The following SNX13 variants were observed in gnomAD, a reference collection of about 807,000 sequenced individuals.
The protein encoded by SNX13 is sorting nexin-13.
A neutral mutation model predicts 133.6 loss-of-function variants in SNX13; 45 were observed. The observed-to-expected ratio is 0.34, with a 90% CI of 0.27 to 0.43. SNX13 has a LOEUF of 0.43. SNX13 is among the 20% of genes least tolerant of loss of function. The probability of loss-of-function intolerance (pLI) is 1.00; values close to 1 mark genes in which losing one functional copy is unlikely to be tolerated. For missense variants in SNX13, 1,032 were observed against 1,145.1 expected, an observed-to-expected ratio of 0.90 and a Z score of 1.43; for synonymous variants, 414 against 373.9, an observed-to-expected ratio of 1.11 and a Z score of -1.24.
intron 3 of SNX13, among the ~76,000 whole-genome samples, 169 bp downstream of exon 3, chr7:17,893,163 T>A (rs997395939): frequency 6.6e-6 from 1 of 152,236 alleles, no homozygotes; most frequent in Non-Finnish European, 1.5e-5. Context: ...GTTTTTAAGA[T>A]GGCCTTTTAA....
At chr7:17,825,948 T>A in intron 17 of SNX13, 74 bp downstream of exon 17, 1 of 1,108,280 alleles carries the variant, frequency 9.0e-7, no homozygotes, top group South Asian at 1.8e-5. Flanking sequence ...TAGTAAAAAT[T>A]AAGTGTGGAA....
intron 5 of SNX13, among the ~76,000 whole-genome samples, chr7:17,886,175 ATCATTAGTATCACAGC>A (rs1164847180): frequency 2.0e-5 from 3 of 152,106 alleles, no homozygotes; most frequent in African/African-American, 7.2e-5. Flanking sequence ...GTGATACTAT[ATCATTAGTATCACAGC>A]CAGCGAATCC....
At chr7:17,908,773 T>C (rs1798645157) in intron 1 of SNX13, among the ~76,000 whole-genome samples, 1 of 152,220 alleles carries the variant, frequency 6.6e-6, no homozygotes, top group Non-Finnish European at 1.5e-5. Flanking sequence ...ACAACATACA[T>C]ATAATTACAA....
chr7:17,833,951 T>C, intron 15 of SNX13, 101 bp downstream of exon 15: 1 of 835,486 alleles, frequency 1.2e-6, no homozygotes. Context: ...AGTTTATATT[T>C]GGACTCCAAC....
intron 15 of SNX13, chr7:17,830,526 T>G (rs1327304703): frequency 1.0e-6 from 1 of 984,010 alleles, no homozygotes; most frequent in Non-Finnish European, 1.2e-6. Flanking sequence ...GTCCTCTTAT[T>G]CTTGGTGGTA....
At chr7:17,840,508 T>G (rs1789745410) in intron 12 of SNX13, among the ~76,000 whole-genome samples, 1 of 152,014 alleles carries the variant, frequency 6.6e-6, no homozygotes, top group South Asian at 2.1e-4. Flanking sequence ...CATGTACACA[T>G]GAACAAAAAC....
chr7:17,871,054 G>A (rs1794047142), intron 8 of SNX13, among the ~76,000 whole-genome samples: 1 of 151,266 alleles, frequency 6.6e-6, no homozygotes, highest in Non-Finnish European at 1.5e-5. Flanking sequence ...CGCCCAGGCT[G>A]GAGTGCAGTG....
intron 8 of SNX13, among the ~76,000 whole-genome samples, chr7:17,870,749 G>C (rs139131535): frequency 2.0e-5 from 3 of 152,208 alleles, no homozygotes; most frequent in Non-Finnish European, 2.9e-5. Context: ...GATAAATACA[G>C]ATATAATCTC....
At chr7:17,865,238 C>T (rs1366621060) in intron 9 of SNX13, among the ~76,000 whole-genome samples, 2 of 152,166 alleles carry the variant, frequency 1.3e-5, no homozygotes, top group Non-Finnish European at 2.9e-5. Flanking sequence ...CCACTCATAT[C>T]TTTAGTGAGA....
intron 17 of SNX13, among the ~76,000 whole-genome samples, chr7:17,822,627 T>C (rs974746871): frequency 2.6e-5 from 4 of 152,194 alleles, no homozygotes; most frequent in African/African-American, 7.2e-5. Flanking sequence ...GCTGGTTCTG[T>C]TGGCTTTCTC....
intron 1 of SNX13, among the ~76,000 whole-genome samples, chr7:17,913,760 C>A (rs73069205): frequency 0.019 from 1,004 of 53,690 alleles, 78 homozygotes; most frequent in Middle Eastern, 0.1. Context: ...TTAACAAAAA[C>A]AAAAAAAAAA....
chr7:17,868,508 A>C lies in SNX13; in HGVS notation c.754-18T>G, dbSNP rs776090676. The stretch of plus-strand genomic sequence containing the variant: ...AGGATTTCCTGAAAAAAAAGTAAAT[A>C]ACAAAAACAAATTTAATCTATTTCT... On this transcript the variant is annotated intron_variant, in intron 8 of 25. Coordinates refer to ENST00000428135, the MANE Select transcript of SNX13 (RefSeq NM_015132.5). 8 of 1,542,420 alleles carry C rather than the reference A, an allele frequency of 5.2e-6. No homozygotes were observed. In the South Asian group the frequency reaches 9.4e-5, roughly 18 times the overall value.
chr7:17,845,980 T>C (rs561814687), intron 11 of SNX13, among the ~76,000 whole-genome samples: 1 of 152,286 alleles, frequency 6.6e-6, no homozygotes, highest in South Asian at 2.1e-4. Context: ...TCTATCTCTA[T>C]ATATTCCAAA....
At chr7:17,806,599 G>C (rs745870645) in intron 20 of SNX13, among the ~76,000 whole-genome samples, 18 of 152,074 alleles carry the variant, frequency 1.2e-4, no homozygotes, top group Non-Finnish European at 2.9e-5. Flanking sequence ...ATTGTGGATT[G>C]CCAGAAATGA....
chr7:17,888,587 TA>T (rs1434666751), intron 5 of SNX13: 4 of 428,338 alleles, frequency 9.3e-6, no homozygotes, highest in African/African-American at 8.3e-5. Flanking sequence ...TCCTCATCAG[TA>T]AAATTATGGG....
At chr7:17,908,850 C>G (rs1384371802) in intron 1 of SNX13, among the ~76,000 whole-genome samples, 9 of 152,240 alleles carry the variant, frequency 5.9e-5, no homozygotes, top group African/African-American at 2.2e-4. Flanking sequence ...AACATATCAT[C>G]TGACTCAGCT....
At chr7:17,873,997 T>C (rs1038826484) in intron 7 of SNX13, among the ~76,000 whole-genome samples, 3 of 152,160 alleles carry the variant, frequency 2.0e-5, no homozygotes, top group African/African-American at 7.2e-5. Context: ...AATTCTTCTT[T>C]CAAGAAAACA....
At chr7:17,903,564 T>C (rs981528873) in intron 1 of SNX13, among the ~76,000 whole-genome samples, 1 of 152,154 alleles carries the variant, frequency 6.6e-6, no homozygotes, top group Admixed American at 6.5e-5. Context: ...GTGGTTACTG[T>C]GGGGAGTAAA....
intron 11 of SNX13, among the ~76,000 whole-genome samples, chr7:17,846,462 CT>C (rs1393785844): frequency 1.3e-5 from 2 of 152,116 alleles, no homozygotes; most frequent in African/African-American, 2.4e-5. Flanking sequence ...TTTTCAAATG[CT>C]GCTGCCCTTT....
Sources: gnomAD v4.1 joint callset for allele counts (sites outside exome capture counted in the v4.1 genomes callset) on GRCh38, gnomAD v4.1.1 for gene constraint, MANE v1.5 for transcripts, NCBI Gene and HGNC (gene_info 2026-07-23, HGNC 2026-07-21) for gene names.